The following CCDC171 variants were observed in gnomAD, a reference collection of about 807,000 sequenced individuals.
CCDC171 encodes the protein coiled-coil domain containing 171.
In CCDC171, 177 loss-of-function variants were observed where a neutral mutation model predicts 168.2. The observed-to-expected ratio is 1.05, with a 90% CI of 0.93 to 1.19. The LOEUF is 1.19. CCDC171 is among the 50% of genes most tolerant of loss of function. The probability of loss-of-function intolerance (pLI) is 0.00; values close to 1 mark genes in which losing one functional copy is unlikely to be tolerated. For missense variants in CCDC171, 1,991 were observed against 1,539.0 expected (o/e 1.29, Z -4.91); for synonymous variants, 687 against 540.8 (o/e 1.27, Z -3.75).
At chr9:15,762,419 T>C (rs556936507) in intron 18 of CCDC171, among the ~76,000 whole-genome samples, 3 of 152,292 alleles carry the variant, frequency 2.0e-5, no homozygotes, top group African/African-American at 7.2e-5. Flanking sequence ...AGGAATGACA[T>C]TGAAAAAGTC....
At chr9:15,847,087 T>G (rs944881934) in intron 22 of CCDC171, among the ~76,000 whole-genome samples, 3 of 152,124 alleles carry the variant, frequency 2.0e-5, no homozygotes, top group Non-Finnish European at 4.4e-5. Flanking sequence ...ATGCTTATTT[T>G]GGGCTCTGTT....
At chr9:15,553,856 A>T (rs1586915142) in intron 1 of CCDC171, among the ~76,000 whole-genome samples, 1 of 152,234 alleles carries the variant, frequency 6.6e-6, no homozygotes, top group East Asian at 1.9e-4. Flanking sequence ...TTCCATTATG[A>T]TATTGATCCT....
At chr9:15,822,883 C>G (rs752091764) in intron 21 of CCDC171, among the ~76,000 whole-genome samples, 1 of 152,230 alleles carries the variant, frequency 6.6e-6, no homozygotes, top group East Asian at 1.9e-4. Flanking sequence ...GACACATGCA[C>G]ACGTATGTCT....
chr9:15,568,068 T>C (rs2039891444), intron 2 of CCDC171, among the ~76,000 whole-genome samples: 1 of 151,676 alleles, frequency 6.6e-6, no homozygotes, highest in Non-Finnish European at 1.5e-5. Flanking sequence ...TAATTGATTT[T>C]TGTTTATTGA....
intron 24 of CCDC171, chr9:15,886,027 A>T (rs1037597500): frequency 1.3e-5 from 2 of 152,178 alleles, no homozygotes; most frequent in African/African-American, 4.8e-5. Context: ...TAAACTTGGA[A>T]TTATCAAAAT....
intron 1 of CCDC171, among the ~76,000 whole-genome samples, chr9:15,559,552 A>C (rs930013495): frequency 3.3e-5 from 5 of 152,026 alleles, no homozygotes; most frequent in African/African-American, 1.2e-4. Context: ...TTAGGATTGC[A>C]ACCCTGGCTT....
the CCDC171 span, among the ~76,000 whole-genome samples, chr9:16,071,369 G>A: frequency 3.3e-5 from 5 of 152,118 alleles, no homozygotes; most frequent in African/African-American, 1.2e-4. Context: ...CTCTCCCCTT[G>A]TCCACTGCTG....
At chr9:15,642,084 A>C (rs2046654674) in intron 7 of CCDC171, among the ~76,000 whole-genome samples, 1 of 151,958 alleles carries the variant, frequency 6.6e-6, no homozygotes, top group South Asian at 2.1e-4. Context: ...CAATTGCTTG[A>C]AACCAGGAGG....
At chr9:15,645,643 A>G (rs543136997) in intron 7 of CCDC171, among the ~76,000 whole-genome samples, 1 of 152,242 alleles carries the variant, frequency 6.6e-6, no homozygotes, top group Non-Finnish European at 1.5e-5. Flanking sequence ...AAGAAAGGGT[A>G]TCAGTGATTG....
intron 24 of CCDC171, among the ~76,000 whole-genome samples, chr9:15,897,631 C>A (rs1007205946): frequency 6.6e-6 from 1 of 151,962 alleles, no homozygotes; most frequent in African/African-American, 2.4e-5. Flanking sequence ...TTTGAAAATC[C>A]TGGTGTCATA....
chr9:15,974,270 G>A (rs758500359), downstream of CCDC171, among the ~76,000 whole-genome samples: 5 of 152,056 alleles, frequency 3.3e-5, no homozygotes, highest in African/African-American at 1.2e-4. Context: ...GACCCAGCAG[G>A]AGGAGAAGAT....
At chr9:15,599,061 C>G (rs946695381) in intron 6 of CCDC171, among the ~76,000 whole-genome samples, 6 of 152,088 alleles carry the variant, frequency 3.9e-5, no homozygotes, top group African/African-American at 1.4e-4. Flanking sequence ...TGAGATGGGT[C>G]TCCTGAATAC....
chr9:15,594,784 G>C (rs1263390471), intron 6 of CCDC171, among the ~76,000 whole-genome samples: 1 of 152,060 alleles, frequency 6.6e-6, no homozygotes. Context: ...ATTTTTTCAG[G>C]AGATTATATG....
chr9:15,566,166 C>T (rs150592748), intron 2 of CCDC171, among the ~76,000 whole-genome samples: 1 of 150,686 alleles, frequency 6.6e-6, no homozygotes, highest in African/African-American at 2.4e-5. Flanking sequence ...GGTGAAATGT[C>T]TCTTCAGATC....
intron 16 of CCDC171, among the ~76,000 whole-genome samples, chr9:15,731,153 C>T (rs1015470970): frequency 2.6e-5 from 4 of 152,008 alleles, no homozygotes; most frequent in African/African-American, 9.7e-5. Flanking sequence ...TGCTTTTGAA[C>T]ACTAGACCTT....
At chr9:15,600,654 C>T (rs999761054) in intron 6 of CCDC171, among the ~76,000 whole-genome samples, 3 of 152,248 alleles carry the variant, frequency 2.0e-5, no homozygotes, top group Non-Finnish European at 4.4e-5. Flanking sequence ...CTGCTACTCT[C>T]TTCAAAGCTG....
At chr9:15,773,880 A>G (rs1175628949) in intron 18 of CCDC171, among the ~76,000 whole-genome samples, 1 of 152,208 alleles carries the variant, frequency 6.6e-6, no homozygotes. Context: ...AAAAATCTTC[A>G]CAATCTATAC....
chr9:15,557,054 T>C (rs1343402988), intron 1 of CCDC171, among the ~76,000 whole-genome samples: 1 of 152,132 alleles, frequency 6.6e-6, no homozygotes, highest in Admixed American at 6.5e-5. Flanking sequence ...TGGTTGTAGA[T>C]GTGTGGTATT....
chr9:15,991,727 T>G (rs1255997592), intron 3 of CCDC171, among the ~76,000 whole-genome samples: 5 of 151,852 alleles, frequency 3.3e-5, no homozygotes, highest in African/African-American at 9.7e-5. Flanking sequence ...ATAGATGCAA[T>G]AAAAAATGAT....
Sources: gnomAD v4.1 joint callset for allele counts (sites outside exome capture counted in the v4.1 genomes callset) on GRCh38, gnomAD v4.1.1 for gene constraint, MANE v1.5 for transcripts, NCBI Gene and HGNC (gene_info 2026-07-23, HGNC 2026-07-21) for gene names.